STRN: variants seen among roughly 807,000 people sequenced by gnomAD.
STRN encodes the protein striatin, also known as protein phosphatase 2 regulatory subunit B'''alpha.
A neutral mutation model predicts 96.3 loss-of-function variants in STRN; 53 were observed. That is an observed-to-expected ratio of 0.55 (90% confidence interval 0.44 to 0.69). STRN has a LOEUF of 0.69. STRN is among the 30% of genes least tolerant of loss of function. STRN has a pLI of 0.00. For missense variants in STRN, 987 were observed against 963.9 expected (o/e 1.02, Z -0.32); for synonymous variants, 428 against 355.9 (o/e 1.20, Z -2.28).
chr2:36,885,199 G>C (rs1669187744), intron 8 of STRN, among the ~76,000 whole-genome samples: 1 of 152,094 alleles, frequency 6.6e-6, no homozygotes, highest in African/African-American at 2.4e-5. Context: ...CTTGATATTT[G>C]ACAAGAACTG....
chr2:36,857,659 CAAAAAAAACA>C (rs1316216877), intron 14 of STRN, among the ~76,000 whole-genome samples, 187 bp downstream of exon 14: 1 of 150,800 alleles, frequency 6.6e-6, no homozygotes, highest in Non-Finnish European at 1.5e-5. Flanking sequence ...TACTCCGTCT[CAAAAAAAACA>C]AAACAAAACA....
At position 36,839,161 on chromosome 2, in the gene STRN, A is replaced by T. The variant is rs1187615673; in HGVS notation, c.*10295T>A. ...GTTTTGCCATTATGAATCTTTATGCATTGTTTTTTGCATTTAAATTCATTT... is the reference window on the plus strand; with the variant it reads ...GTTTTGCCATTATGAATCTTTATGCTTTGTTTTTTGCATTTAAATTCATTT... On this transcript the variant is annotated 3_prime_UTR_variant, in exon 18 of 18. Transcript: ENST00000263918. Among the ~76,000 whole-genome samples the T allele has an allele frequency of 6.6e-6, 1 of 152,160 alleles. No individual in the cohort carries two copies. Among genetic ancestry groups the T allele is most frequent in the Non-Finnish European group, 1.5e-5 (1 of 68,018 alleles).
At chr2:36,897,835 A>G (rs573293329) in intron 6 of STRN, among the ~76,000 whole-genome samples, 1 of 152,238 alleles carries the variant, frequency 6.6e-6, no homozygotes, top group East Asian at 1.9e-4. Context: ...CCTCCCATGC[A>G]GTATCACACA....
At chr2:36,859,959 A>G (rs1458729480) in intron 13 of STRN, among the ~76,000 whole-genome samples, 3 of 152,240 alleles carry the variant, frequency 2.0e-5, no homozygotes, top group Admixed American at 2.0e-4. Context: ...TGAAATTAGT[A>G]ACTGGTAATT....
At position 36,884,051 on chromosome 2, in the gene STRN, T is replaced by C; in HGVS notation, c.1067A>G (p.Asp356Gly). 2 of 1,395,168 alleles carry C rather than the reference T, an allele frequency of 1.4e-6. No individual in the cohort carries two copies. The highest frequency in any genetic ancestry group is 1.5e-5 in the African/African-American group (1 of 68,164). 86.4% of individuals were successfully genotyped at this position (1,395,168 alleles called of 1,614,324 possible). The change falls in exon 9 of 18, where the codon GAT (aspartate) becomes GGT (glycine). Residue 356 changes from aspartate (D) to glycine (G), a missense_variant. Asp to Gly is a moderately conservative substitution (Grantham distance 94). Transcript: ENST00000263918. ...VKRPNRSKLQ[D>G]MLANLRDVDE... ...AACATCTCTCAAATTAGCAAGCATATCTTGTAGTTTTGACCTATTGGGCCC... is the reference window on the plus strand; with the variant it reads ...AACATCTCTCAAATTAGCAAGCATACCTTGTAGTTTTGACCTATTGGGCCC...
chr2:36,888,981 G>C (rs2148181822), intron 7 of STRN, among the ~76,000 whole-genome samples: 1 of 152,206 alleles, frequency 6.6e-6, no homozygotes, highest in East Asian at 1.9e-4. Context: ...ACTGCACCCA[G>C]CTAACCACTC....
intron 7 of STRN, among the ~76,000 whole-genome samples, chr2:36,891,506 C>A (rs954155026): frequency 6.7e-6 from 1 of 149,580 alleles, no homozygotes; most frequent in African/African-American, 2.4e-5. Context: ...GCCTGGGCAA[C>A]AGAGTGAGAC....
chr2:36,950,318 T>C (rs1664724106), intron 1 of STRN, among the ~76,000 whole-genome samples: 1 of 147,940 alleles, frequency 6.8e-6, no homozygotes, highest in Non-Finnish European at 1.5e-5. Context: ...CAAGTTCAAG[T>C]GATTCTCCTG....
At chr2:36,954,341 T>C (rs1197630039) in intron 1 of STRN, among the ~76,000 whole-genome samples, 1 of 151,708 alleles carries the variant, frequency 6.6e-6, no homozygotes, top group African/African-American at 2.4e-5. Flanking sequence ...CAAAACCCTG[T>C]CTCTACTAAA....
At chr2:36,936,943 A>G (rs1670715350) in intron 1 of STRN, among the ~76,000 whole-genome samples, 1 of 152,220 alleles carries the variant, frequency 6.6e-6, no homozygotes, top group African/African-American at 2.4e-5. Context: ...TAGGTTTGGA[A>G]TATGGTTCAT....
chr2:36,908,028 C>T (rs951686462), intron 3 of STRN, among the ~76,000 whole-genome samples: 1 of 152,048 alleles, frequency 6.6e-6, no homozygotes, highest in Non-Finnish European at 1.5e-5. Flanking sequence ...AGCAAAAACG[C>T]TGCCCCCAAA....
At position 36,846,407 on chromosome 2, in the gene STRN, A is replaced by ATATATATAGTTTATATAT. The variant is rs1553390314; in HGVS notation, c.*3048_*3049insATATATAAACTATATATA. The ATATATATAGTTTATATAT allele has an allele frequency of 7.6e-6, 1 of 131,538 alleles. No individual in the cohort carries two copies. Among genetic ancestry groups the ATATATATAGTTTATATAT allele is most frequent in the Non-Finnish European group, 1.6e-5 (1 of 62,312 alleles). The allele number at this position is 131,538 out of a possible 1,614,324, so 8.1% of individuals were successfully genotyped here. On this transcript the variant is annotated 3_prime_UTR_variant, in exon 18 of 18. Coordinates refer to ENST00000263918, the MANE Select transcript of STRN (RefSeq NM_003162.4). ...ATGGTTTATATATATATATATATAT[A>ATATATATAGTTTATATAT]TATATATATATATATATATATAGTT...
In STRN at chr2:36,842,846, C is replaced by T. The variant is rs1275381742; in HGVS notation, c.*6610G>A. The stretch of plus-strand genomic sequence containing the variant: ...TAGAGAACTGGAGTGTTCTGGTCAT[C>T]CTGAGAAGTAACAGGCGGAGGGATG... On this transcript the variant is annotated 3_prime_UTR_variant, in exon 18 of 18. Transcript: ENST00000263918. 6.6e-6 allele frequency among the ~76,000 whole-genome samples: 1 copy of T among 152,102 alleles called. No individual in the cohort carries two copies. Among genetic ancestry groups the T allele is most frequent in the African/African-American group, 2.4e-5 (1 of 41,404 alleles).
chr2:36,867,938 T>G (rs1379656246), intron 11 of STRN, 77 bp from the exon 12 acceptor site: 1 of 1,192,460 alleles, frequency 8.4e-7, no homozygotes, highest in Non-Finnish European at 1.2e-6. Flanking sequence ...TAAAATTGTC[T>G]TTAAAAATAC....
chr2:36,902,520 T>A, intron 5 of STRN, 64 bp downstream of exon 5: 1 of 1,420,156 alleles, frequency 7.0e-7, no homozygotes, highest in South Asian at 1.7e-5. Flanking sequence ...GTAATGTCCA[T>A]AAAACCAAAA....
chr2:36,915,439 CTAA>C (rs906887660), intron 3 of STRN, among the ~76,000 whole-genome samples: 11 of 151,220 alleles, frequency 7.3e-5, no homozygotes, highest in Admixed American at 2.6e-4. Context: ...CTAATACCTA[CTAA>C]TAAGTGAATT....
At chr2:36,944,191 TGTTAGA>T (rs1463857523) in intron 1 of STRN, among the ~76,000 whole-genome samples, 2 of 152,122 alleles carry the variant, frequency 1.3e-5, no homozygotes, top group Non-Finnish European at 2.9e-5. Flanking sequence ...AAAATACAGA[TGTTAGA>T]GTTAAATTTT....
intron 15 of STRN, among the ~76,000 whole-genome samples, chr2:36,853,471 G>A (rs969478833): frequency 6.6e-6 from 1 of 152,138 alleles, no homozygotes; most frequent in Non-Finnish European, 1.5e-5. Flanking sequence ...ATGGAAACAG[G>A]CAAAAGAAAG....
At chr2:36,958,087 T>C (rs933062779) in intron 1 of STRN, among the ~76,000 whole-genome samples, 16 of 151,998 alleles carry the variant, frequency 1.1e-4, no homozygotes, top group Admixed American at 7.2e-4. Flanking sequence ...ACCTGGCTAA[T>C]TTTTATATTT....
Sources: allele counts gnomAD v4.1 joint callset (sites outside exome capture counted in the v4.1 genomes callset), GRCh38; gene constraint gnomAD v4.1.1; transcripts MANE v1.5; gene names NCBI Gene and HGNC (gene_info 2026-07-23, HGNC 2026-07-21).